The following RMDN2 variants were observed in gnomAD, a reference collection of about 807,000 sequenced individuals.
RMDN2 encodes the protein regulator of microtubule dynamics protein 2.
RMDN2 carries 61 observed loss-of-function variants against 52.8 expected under a neutral mutation model. The observed-to-expected ratio is 1.16, with a 90% CI of 0.94 to 1.43. The LOEUF is 1.43. RMDN2 is among the 40% of genes most tolerant of loss of function. RMDN2 has a pLI of 0.00. For synonymous variants in RMDN2, 180 were observed against 153.1 expected (o/e 1.18, Z -1.30); for missense variants, 592 against 475.3 (o/e 1.25, Z -2.28).
At chr2:38,013,749 A>T (rs1558553315) in intron 10 of RMDN2, among the ~76,000 whole-genome samples, 1 of 152,222 alleles carries the variant, frequency 6.6e-6, no homozygotes, top group East Asian at 1.9e-4. Context: ...TAGAAATGCT[A>T]CAGCTCAGGG....
At chr2:37,938,339 T>C (rs1000410073) in intron 2 of RMDN2, among the ~76,000 whole-genome samples, 4 of 152,240 alleles carry the variant, frequency 2.6e-5, no homozygotes, top group Admixed American at 6.5e-5. Context: ...TCATCAGGGA[T>C]ATTGGCCTGA....
intron 4 of RMDN2, among the ~76,000 whole-genome samples, chr2:37,980,346 C>T (rs1400143507): frequency 1.3e-5 from 2 of 152,104 alleles, no homozygotes; most frequent in Non-Finnish European, 2.9e-5. Context: ...CTCTGTCCCC[C>T]AGGCTGGAGT....
At chr2:37,940,035 G>A (rs4670795) in intron 2 of RMDN2, among the ~76,000 whole-genome samples, 128,042 of 152,114 alleles carry the variant, frequency 0.84, 54,323 homozygotes, top group African/African-American at 0.93. Flanking sequence ...TTTCCTTTCC[G>A]TATTTAGTGC....
chr2:37,923,760 CTT>C (rs968749518), upstream of RMDN2, among the ~76,000 whole-genome samples: 1 of 152,094 alleles, frequency 6.6e-6, no homozygotes, highest in African/African-American at 2.4e-5. Context: ...GGTTTTTGCT[CTT>C]GTTTTTTGAG....
intron 10 of RMDN2, chr2:38,030,674 C>T (rs1015108131): frequency 4.6e-5 from 7 of 152,072 alleles, no homozygotes; most frequent in Admixed American, 6.5e-5. Flanking sequence ...TTCAGTGAAA[C>T]CTTTTTACTC....
chr2:38,014,167 G>A (rs1398346523), intron 10 of RMDN2, among the ~76,000 whole-genome samples: 1 of 152,070 alleles, frequency 6.6e-6, no homozygotes, highest in African/African-American at 2.4e-5. Context: ...AGCTGAGATC[G>A]TGCCATTGCA....
chr2:37,980,117 T>C (rs538043258), intron 4 of RMDN2, among the ~76,000 whole-genome samples: 4 of 152,168 alleles, frequency 2.6e-5, no homozygotes, highest in Non-Finnish European at 5.9e-5. Context: ...CAACCACTTA[T>C]TTAGAAAAGC....
rs554579270 is a variant in RMDN2 at position 37,931,811 on chromosome 2, A to C, written c.452+2082A>C. On this transcript the variant is annotated intron_variant, in intron 2 of 10. Transcript: ENST00000354545. ...AGTTGGAAAAACTAGACACGTCAAAACTTCAAGACTGATGTCAGGAGAGAC... is the reference window on the plus strand; with the variant it reads ...AGTTGGAAAAACTAGACACGTCAAACCTTCAAGACTGATGTCAGGAGAGAC... Among the ~76,000 whole-genome samples the C allele has an allele frequency of 5.3e-5, 8 of 152,322 alleles. No homozygotes were observed. The East Asian group carries it at 9.7e-4, about 18-fold the overall frequency.
intron 10 of RMDN2, among the ~76,000 whole-genome samples, chr2:38,032,315 A>G (rs115181641): frequency 1.3e-5 from 2 of 152,012 alleles, no homozygotes; most frequent in East Asian, 3.8e-4. Context: ...CTATAGATTA[A>G]TTTTTTTACA....
At chr2:38,031,348 A>C (rs1427154458) in intron 10 of RMDN2, among the ~76,000 whole-genome samples, 2 of 140,628 alleles carry the variant, frequency 1.4e-5, no homozygotes, top group Admixed American at 8.1e-5. Context: ...ATCATAGCTC[A>C]CTGCAGCCTT....
At chr2:37,933,519 C>T (rs1350256271) in intron 2 of RMDN2, among the ~76,000 whole-genome samples, 4 of 152,268 alleles carry the variant, frequency 2.6e-5, no homozygotes, top group African/African-American at 4.8e-5. Context: ...TCTGCAATCC[C>T]GGCACCTCGG....
intron 10 of RMDN2, among the ~76,000 whole-genome samples, chr2:38,058,683 T>G (rs1404069347): frequency 6.6e-6 from 1 of 152,224 alleles, no homozygotes; most frequent in African/African-American, 2.4e-5. Context: ...AAGGTGTTCG[T>G]TTTCTGTGTT....
intron 2 of RMDN2, among the ~76,000 whole-genome samples, chr2:37,964,656 A>G (rs1158742433): frequency 6.6e-6 from 1 of 152,046 alleles, no homozygotes; most frequent in South Asian, 2.1e-4. Context: ...GTATTCTGTT[A>G]TTTTTGGGTG....
At chr2:38,057,648 C>T (rs1681897344) in intron 10 of RMDN2, among the ~76,000 whole-genome samples, 1 of 152,140 alleles carries the variant, frequency 6.6e-6, no homozygotes, top group African/African-American at 2.4e-5. Context: ...TAGTAATCCC[C>T]AGTGTTGGTG....
At chr2:38,045,502 C>T (rs1203518642) in intron 10 of RMDN2, among the ~76,000 whole-genome samples, 40 of 152,202 alleles carry the variant, frequency 2.6e-4, no homozygotes, top group South Asian at 6.2e-4. Context: ...ACTTCTTCCT[C>T]ACCTTTTAGA....
chr2:37,960,196 T>G (rs1670020120), intron 2 of RMDN2, among the ~76,000 whole-genome samples: 1 of 152,192 alleles, frequency 6.6e-6, no homozygotes, highest in Non-Finnish European at 1.5e-5. Context: ...CTGAATATCC[T>G]TGTTAATTTT....
At chr2:37,936,932 A>G (rs909345709) in intron 2 of RMDN2, among the ~76,000 whole-genome samples, 1 of 151,982 alleles carries the variant, frequency 6.6e-6, no homozygotes, top group East Asian at 1.9e-4. Context: ...CTTTTGCTGC[A>G]ATTGCTTTTG....
intron 10 of RMDN2, among the ~76,000 whole-genome samples, chr2:38,058,111 C>T (rs770099239): frequency 5.9e-5 from 9 of 152,202 alleles, no homozygotes; most frequent in Non-Finnish European, 5.9e-5. Context: ...GGAAATTTAA[C>T]CTTTTTTCTT....
intron 10 of RMDN2, among the ~76,000 whole-genome samples, chr2:38,010,402 C>T (rs984527591): frequency 1.8e-4 from 28 of 152,312 alleles, no homozygotes; most frequent in Middle Eastern, 3.4e-3. Context: ...ACTCAAGCCT[C>T]GGCAATGGCT....
Sources: gnomAD v4.1 joint callset for allele counts (sites outside exome capture counted in the v4.1 genomes callset) on GRCh38, gnomAD v4.1.1 for gene constraint, MANE v1.5 for transcripts, NCBI Gene and HGNC (gene_info 2026-07-23, HGNC 2026-07-21) for gene names.